Variants in C12orf42 observed in about 807,000 individuals in gnomAD.
The protein encoded by C12orf42 is chromosome 12 open reading frame 42, also known as uncharacterized protein C12orf42.
Under a neutral mutation model 21.6 loss-of-function variants are expected in C12orf42, and 25 were observed. The ratio of observed to expected loss-of-function variants is 1.16; its 90% CI spans 0.84 to 1.62. C12orf42 has a LOEUF of 1.62. C12orf42 is among the 40% of genes most tolerant of loss of function. C12orf42 has a pLI of 0.00. For missense variants in C12orf42, 483 were observed against 459.3 expected (o/e 1.05, Z -0.47); for synonymous variants, 174 against 175.0 (o/e 0.99, Z 0.05).
Position 103,478,451 on chromosome 12 carries a change from T to A in C12orf42, c.-21-4A>T, listed in dbSNP as rs756357425. On this transcript the variant is annotated splice_region_variant and splice_polypyrimidine_tract_variant and intron_variant, in intron 1 of 5. Coordinates refer to ENST00000548883, the MANE Select transcript of C12orf42 (RefSeq NM_198521.5). Reference sequence around the variant, plus strand: ...TTAATTTGACAAGTTCAACTCCCTATAAACAAAGAATGGAGAAAGAAGAGC... The same window carrying A: ...TTAATTTGACAAGTTCAACTCCCTAAAAACAAAGAATGGAGAAAGAAGAGC... The A allele has an allele frequency of 7.1e-6, 10 of 1,400,692 alleles. No homozygotes were observed. In the Admixed American group the frequency reaches 1.1e-4, roughly 15 times the overall value. The allele number at this position is 1,400,692 out of a possible 1,614,324, so 86.8% of individuals were successfully genotyped here.
intron 3 of C12orf42, among the ~76,000 whole-genome samples, chr12:103,370,505 T>G (rs2045098549): frequency 6.6e-6 from 1 of 151,992 alleles, no homozygotes; most frequent in African/African-American, 2.4e-5. Flanking sequence ...TTGGACTGGA[T>G]AAAGAAAATG....
At chr12:103,136,703 G>C in the C12orf42 span, among the ~76,000 whole-genome samples, 2 of 152,066 alleles carry the variant, frequency 1.3e-5, no homozygotes, top group Non-Finnish European at 2.9e-5. Flanking sequence ...ATGGAACAGA[G>C]TACACAATCC....
chr12:103,104,059 T>C, the C12orf42 span, among the ~76,000 whole-genome samples: 7 of 152,182 alleles, frequency 4.6e-5, no homozygotes, highest in Admixed American at 4.6e-4. Context: ...AATGCAGTAG[T>C]TATGAATAAA....
At chr12:103,193,784 CA>C in the C12orf42 span, among the ~76,000 whole-genome samples, 1 of 151,924 alleles carries the variant, frequency 6.6e-6, no homozygotes, top group Admixed American at 6.6e-5. Flanking sequence ...GAATTAATAC[CA>C]ATCACTTTTA....
At chr12:103,397,033 A>G (rs774849869) in intron 3 of C12orf42, among the ~76,000 whole-genome samples, 1 of 152,192 alleles carries the variant, frequency 6.6e-6, no homozygotes, top group Non-Finnish European at 1.5e-5. Context: ...TACATCTCAA[A>G]TGGTTCTAAA....
At chr12:103,199,017 A>AAT in the C12orf42 span, among the ~76,000 whole-genome samples, 1 of 152,242 alleles carries the variant, frequency 6.6e-6, no homozygotes, top group Non-Finnish European at 1.5e-5. Flanking sequence ...AATTTTGAGC[A>AAT]ATATGAATGA....
intron 4 of C12orf42, among the ~76,000 whole-genome samples, chr12:103,277,780 C>T (rs553908441): frequency 5.9e-5 from 9 of 152,098 alleles, no homozygotes; most frequent in East Asian, 3.9e-4. Context: ...CCAAAACGCC[C>T]GGCTAATTTT....
rs747279634 is a variant in C12orf42, at chr12:103,401,670, G to A, written c.84C>T (p.Ser28=). ...IRPFANRMQK[S]PCYIPIVSSA... Reference sequence around the variant, plus strand: ...TGCTCACAATGGGAATATAGCAAGGGGATTTCTGAAACATTAGAAACAAGG... The same window carrying A: ...TGCTCACAATGGGAATATAGCAAGGAGATTTCTGAAACATTAGAAACAAGG... Residue 28 remains serine, a synonymous_variant, in exon 3 of 6, where the codon TCC becomes TCT. Coordinates refer to ENST00000548883, the MANE Select transcript of C12orf42 (RefSeq NM_198521.5). 3 of 1,613,450 alleles carry A rather than the reference G, an allele frequency of 1.9e-6. No homozygotes were observed. Among genetic ancestry groups the A allele is most frequent in the East Asian group, 2.2e-5 (1 of 44,868 alleles).
chr12:103,301,414 G>A (rs9783408), downstream of C12orf42, among the ~76,000 whole-genome samples: 2,701 of 152,274 alleles, frequency 0.018, 103 homozygotes, highest in African/African-American at 0.061. Flanking sequence ...GAATCCTACC[G>A]TGAAGAAAAG....
chr12:103,360,994 G>A (rs1393854866), intron 4 of C12orf42, among the ~76,000 whole-genome samples: 1 of 152,114 alleles, frequency 6.6e-6, no homozygotes, highest in Non-Finnish European at 1.5e-5. Context: ...CTTTAACAGG[G>A]ATCTGGGGGA....
chr12:103,354,407 C>T (rs965620762), intron 4 of C12orf42, among the ~76,000 whole-genome samples: 1 of 152,132 alleles, frequency 6.6e-6, no homozygotes, highest in African/African-American at 2.4e-5. Context: ...GGTCCCTATG[C>T]TACTTCAAAG....
At chr12:103,142,408 T>C in the C12orf42 span, among the ~76,000 whole-genome samples, 1 of 152,198 alleles carries the variant, frequency 6.6e-6, no homozygotes, top group Non-Finnish European at 1.5e-5. Context: ...TACAAACCCA[T>C]ATATTTCAGG....
the C12orf42 span, among the ~76,000 whole-genome samples, chr12:103,075,416 T>C: frequency 6.6e-6 from 1 of 152,220 alleles, no homozygotes; most frequent in Non-Finnish European, 1.5e-5. Context: ...TACTTACAAA[T>C]AGTAGACACT....
the C12orf42 span, among the ~76,000 whole-genome samples, chr12:103,069,673 CA>C: frequency 2.3e-3 from 352 of 152,290 alleles, 1 homozygote; most frequent in Non-Finnish European, 3.9e-3. Flanking sequence ...CTTCGTAAGT[CA>C]GGGGCTGTCT....
chr12:103,090,374 C>A, the C12orf42 span, among the ~76,000 whole-genome samples: 1 of 152,062 alleles, frequency 6.6e-6, no homozygotes, highest in East Asian at 1.9e-4. Flanking sequence ...GAAAAATGGC[C>A]CTTAGAAGAA....
intron 4 of C12orf42, among the ~76,000 whole-genome samples, chr12:103,348,935 C>T (rs1395426363): frequency 3.9e-5 from 6 of 152,248 alleles, no homozygotes; most frequent in African/African-American, 1.4e-4. Context: ...GAGGATGCAG[C>T]AGACACTGTT....
the C12orf42 span, among the ~76,000 whole-genome samples, chr12:103,077,024 A>C: frequency 6.6e-6 from 1 of 152,222 alleles, no homozygotes; most frequent in Non-Finnish European, 1.5e-5. Flanking sequence ...GATTGAAAAA[A>C]TAAAATTGTA....
At chr12:103,049,963 G>T in the C12orf42 span, among the ~76,000 whole-genome samples, 4 of 152,076 alleles carry the variant, frequency 2.6e-5, no homozygotes, top group African/African-American at 7.2e-5. Flanking sequence ...CCTTCCATTG[G>T]ATGCTCCATG....
the C12orf42 span, among the ~76,000 whole-genome samples, chr12:103,198,140 G>A: frequency 3.9e-5 from 6 of 152,304 alleles, no homozygotes; most frequent in South Asian, 6.2e-4. Context: ...CAATAGTGGC[G>A]GTGAAGCAAC....
Sources: allele counts gnomAD v4.1 joint callset (sites outside exome capture counted in the v4.1 genomes callset), GRCh38; gene constraint gnomAD v4.1.1; transcripts MANE v1.5; gene names NCBI Gene and HGNC (gene_info 2026-07-23, HGNC 2026-07-21).